LRRC4C: variants seen among roughly 807,000 people sequenced by gnomAD.
The protein encoded by LRRC4C is leucine-rich repeat-containing protein 4C.
In LRRC4C, 5 loss-of-function variants were observed where a neutral mutation model predicts 33.6. The observed-to-expected ratio is 0.15, with a 90% CI of 0.08 to 0.31. LRRC4C has a LOEUF of 0.31. LRRC4C is among the 10% of genes least tolerant of loss of function. LRRC4C has a pLI of 1.00. For missense variants in LRRC4C, 560 were observed against 796.7 expected (o/e 0.70, Z 3.58); for synonymous variants, 329 against 302.0 (o/e 1.09, Z -0.93).
At chr11:40,851,827 TCAGC>T (rs1953517288) in intron 2 of LRRC4C, among the ~76,000 whole-genome samples, 1 of 152,170 alleles carries the variant, frequency 6.6e-6, no homozygotes, top group Admixed American at 6.6e-5. Flanking sequence ...ATTGTCCTTT[TCAGC>T]CAGCATCTGT....
chr11:41,417,435 C>T (rs1182555142), intron 1 of LRRC4C, among the ~76,000 whole-genome samples: 27 of 151,990 alleles, frequency 1.8e-4, no homozygotes, highest in Admixed American at 1.8e-3. Context: ...TGCTTGAATG[C>T]TTTGCGTGAC....
At chr11:40,670,830 C>G (rs1052600310) in intron 2 of LRRC4C, among the ~76,000 whole-genome samples, 2 of 152,252 alleles carry the variant, frequency 1.3e-5, no homozygotes, top group South Asian at 2.1e-4. Context: ...GTGACGCATC[C>G]TCGGCTCACT....
chr11:40,475,436 C>T (rs1005668769), intron 3 of LRRC4C, among the ~76,000 whole-genome samples: 2 of 152,056 alleles, frequency 1.3e-5, no homozygotes, highest in African/African-American at 2.4e-5. Flanking sequence ...GACCATCACA[C>T]ACTGGGGCCT....
rs572213325 is a variant in LRRC4C, at chr11:40,451,411, A to G, written c.-269-131690T>C. ...TTTTTTTTTTTTTTTTTTGAGACAG[A>G]GTCTCACTCTATTGCCTGGGCCGGA... On this transcript the variant is annotated intron_variant, in intron 3 of 6. Transcript: ENST00000528697. 8.6e-3 allele frequency among the ~76,000 whole-genome samples: 787 copies of G among 91,292 alleles called. 9 individuals are homozygous for G. Among genetic ancestry groups the G allele is most frequent in the African/African-American group, 0.034 (745 of 21,814 alleles). 59.9% of individuals were successfully genotyped at this position (91,292 alleles called of 152,430 possible).
At chr11:41,175,875 T>G (rs1431486636) in intron 1 of LRRC4C, among the ~76,000 whole-genome samples, 1 of 152,208 alleles carries the variant, frequency 6.6e-6, no homozygotes, top group East Asian at 1.9e-4. Context: ...ACATGTTCTC[T>G]TTCTGACTCG....
intron 5 of LRRC4C, among the ~76,000 whole-genome samples, chr11:40,227,627 T>C (rs1483277687): frequency 6.6e-6 from 1 of 152,098 alleles, no homozygotes; most frequent in African/African-American, 2.4e-5. Flanking sequence ...TCCGAATGCA[T>C]GATGACTCCC....
intron 5 of LRRC4C, among the ~76,000 whole-genome samples, chr11:40,170,029 A>C (rs1014981654): frequency 3.3e-5 from 5 of 152,210 alleles, no homozygotes; most frequent in Non-Finnish European, 7.3e-5. Flanking sequence ...CTTTACAATA[A>C]TATATAGTGA....
At chr11:40,447,801 T>C (rs550921579) in intron 3 of LRRC4C, among the ~76,000 whole-genome samples, 1 of 152,246 alleles carries the variant, frequency 6.6e-6, no homozygotes, top group African/African-American at 2.4e-5. Context: ...CAGCAGCAGA[T>C]GCATTCTGTT....
chr11:40,768,235 T>A (rs1394583010), intron 2 of LRRC4C, among the ~76,000 whole-genome samples: 1 of 152,036 alleles, frequency 6.6e-6, no homozygotes, highest in Non-Finnish European at 1.5e-5. Flanking sequence ...GATAATTTCC[T>A]GGACCCATAC....
chr11:40,152,203 T>C (rs970604304), intron 5 of LRRC4C, among the ~76,000 whole-genome samples: 3 of 152,148 alleles, frequency 2.0e-5, no homozygotes, highest in Non-Finnish European at 4.4e-5. Flanking sequence ...GCTGAAGGTC[T>C]GTTTGCGGGA....
intron 3 of LRRC4C, among the ~76,000 whole-genome samples, chr11:40,508,033 A>G (rs1380744147): frequency 2.0e-5 from 3 of 152,190 alleles, no homozygotes; most frequent in Admixed American, 6.6e-5. Flanking sequence ...CTGGGATTAC[A>G]GGTGTGAAAC....
chr11:41,144,283 A>C (rs995146857), intron 1 of LRRC4C, among the ~76,000 whole-genome samples: 1 of 152,178 alleles, frequency 6.6e-6, no homozygotes, highest in Admixed American at 6.6e-5. Context: ...CAAAGCAGTG[A>C]GTGACCATTG....
At chr11:40,629,199 A>G (rs1963245591) in intron 3 of LRRC4C, among the ~76,000 whole-genome samples, 1 of 152,186 alleles carries the variant, frequency 6.6e-6, no homozygotes, top group South Asian at 2.1e-4. Context: ...TGATACTAAT[A>G]TTCAATTTGT....
intron 1 of LRRC4C, among the ~76,000 whole-genome samples, chr11:41,301,101 G>A (rs768587090): frequency 2.0e-5 from 3 of 152,096 alleles, no homozygotes; most frequent in Admixed American, 1.3e-4. Context: ...TGATTCTCTC[G>A]ATTCTCTGTA....
intron 4 of LRRC4C, among the ~76,000 whole-genome samples, chr11:40,255,426 G>A (rs1772064011): frequency 6.6e-6 from 1 of 152,148 alleles, no homozygotes; most frequent in African/African-American, 2.4e-5. Flanking sequence ...AATACAGCAA[G>A]GTGATAAACA....
At chr11:41,186,830 T>G (rs1945713999) in intron 1 of LRRC4C, among the ~76,000 whole-genome samples, 1 of 152,220 alleles carries the variant, frequency 6.6e-6, no homozygotes, top group South Asian at 2.1e-4. Flanking sequence ...GGTAGTCACG[T>G]GTGCCTTGTT....
chr11:40,575,014 G>C (rs1258788234), intron 3 of LRRC4C, among the ~76,000 whole-genome samples: 1 of 152,150 alleles, frequency 6.6e-6, no homozygotes, highest in Admixed American at 6.5e-5. Context: ...CTACCCCATT[G>C]ACTGGGTCAC....
At chr11:41,253,701 C>T (rs1948713189) in intron 1 of LRRC4C, among the ~76,000 whole-genome samples, 1 of 152,132 alleles carries the variant, frequency 6.6e-6, no homozygotes, top group Admixed American at 6.6e-5. Flanking sequence ...GCTAAGACCT[C>T]TTTCAGCTGT....
intron 2 of LRRC4C, among the ~76,000 whole-genome samples, chr11:40,664,645 T>C (rs1943621313): frequency 6.6e-6 from 1 of 151,816 alleles, no homozygotes; most frequent in Non-Finnish European, 1.5e-5. Context: ...ATCAGCAATA[T>C]AAGAAACCCA....
Sources: gnomAD v4.1 joint callset for allele counts (sites outside exome capture counted in the v4.1 genomes callset) on GRCh38, gnomAD v4.1.1 for gene constraint, MANE v1.5 for transcripts, NCBI Gene and HGNC (gene_info 2026-07-23, HGNC 2026-07-21) for gene names.